USP34: variants seen among roughly 807,000 people sequenced by gnomAD.
USP34 encodes ubiquitin specific peptidase 34.
Under a neutral mutation model 460.3 loss-of-function variants are expected in USP34, and 70 were observed. That is an observed-to-expected ratio of 0.15 (90% CI 0.13 to 0.19). The LOEUF (loss-of-function observed/expected upper bound fraction) is 0.19. USP34 is among the 10% of genes least tolerant of loss of function. The pLI, the probability that USP34 is intolerant of heterozygous loss-of-function variation, is 1.00. For missense variants in USP34, 3,985 were observed against 4,236.2 expected, an observed-to-expected ratio of 0.94 and a Z score of 1.65; for synonymous variants, 1,647 against 1,405.3, an observed-to-expected ratio of 1.17 and a Z score of -3.85.
At chr2:61,424,996 T>A (rs1474813813) in intron 1 of USP34, among the ~76,000 whole-genome samples, 2 of 152,080 alleles carry the variant, frequency 1.3e-5, no homozygotes, top group Non-Finnish European at 2.9e-5. Flanking sequence ...ATTTTTGTAT[T>A]TTTAGTAGAG....
intron 2 of USP34, among the ~76,000 whole-genome samples, chr2:61,410,239 A>G (rs113545107): frequency 6.6e-6 from 1 of 152,222 alleles, no homozygotes; most frequent in African/African-American, 2.4e-5. Context: ...CTACAACTAG[A>G]CGGTACCATC....
chr2:61,445,331 C>A (rs1447663679), intron 1 of USP34, among the ~76,000 whole-genome samples: 2 of 148,388 alleles, frequency 1.3e-5, no homozygotes, highest in Non-Finnish European at 3.0e-5. Flanking sequence ...GTCAGGAGAT[C>A]AAGACCATCC....
At chr2:61,463,596 G>A (rs539392185) in intron 1 of USP34, among the ~76,000 whole-genome samples, 4 of 152,252 alleles carry the variant, frequency 2.6e-5, no homozygotes, top group African/African-American at 9.6e-5. Flanking sequence ...CACTTTGGGA[G>A]GCCAAGGGAG....
chr2:61,275,964 T>C (rs2103945099), intron 41 of USP34, among the ~76,000 whole-genome samples: 1 of 152,226 alleles, frequency 6.6e-6, no homozygotes, highest in East Asian at 1.9e-4. Flanking sequence ...AAAAAATACA[T>C]GCAGCAAATA....
intron 1 of USP34, among the ~76,000 whole-genome samples, chr2:61,454,434 T>C (rs1695373102): frequency 6.6e-6 from 1 of 151,452 alleles, no homozygotes; most frequent in Non-Finnish European, 1.5e-5. Context: ...AGTTTTTTGT[T>C]TGTTGTTTTG....
intron 1 of USP34, among the ~76,000 whole-genome samples, chr2:61,428,757 G>C (rs1389824831): frequency 6.6e-6 from 1 of 152,188 alleles, no homozygotes; most frequent in Non-Finnish European, 1.5e-5. Context: ...AATTACAACA[G>C]ACTTAGGAAA....
At chr2:61,415,128 T>C (rs1205968811) in intron 2 of USP34, among the ~76,000 whole-genome samples, 3 of 152,128 alleles carry the variant, frequency 2.0e-5, no homozygotes, top group African/African-American at 7.2e-5. Flanking sequence ...CAGCGTGAAT[T>C]GGCCTTAGGT....
At chr2:61,300,789 C>A (rs565688227) in intron 29 of USP34, among the ~76,000 whole-genome samples, 162 bp downstream of exon 29, 2 of 147,354 alleles carry the variant, frequency 1.4e-5, no homozygotes, top group African/African-American at 5.0e-5. Flanking sequence ...GAGTGAGATG[C>A]CGTCTCAAAA....
chr2:61,328,197 G>C (rs1691154651), intron 20 of USP34, among the ~76,000 whole-genome samples: 1 of 151,668 alleles, frequency 6.6e-6, no homozygotes, highest in Admixed American at 6.6e-5. Flanking sequence ...AGCTACTCGG[G>C]AGGCTGAGGC....
chr2:61,293,696 C>G, intron 32 of USP34, 146 bp from the exon 33 acceptor site: 1 of 594,592 alleles, frequency 1.7e-6, no homozygotes, highest in South Asian at 2.2e-5. Flanking sequence ...AATTTCTAGA[C>G]AAAATAATAA....
rs146221214 is a variant in USP34 at position 61,342,191 on chromosome 2, T to C, written c.2500+1624A>G. On this transcript the variant is annotated intron_variant, in intron 16 of 79. Coordinates refer to ENST00000398571, the MANE Select transcript of USP34 (RefSeq NM_014709.4). The stretch of plus-strand genomic sequence containing the variant: ...TGTCAATCCTTGATAGTATCAGTCC[T>C]TAATTTTACTCATTTCAATAGGTAT... Among the ~76,000 whole-genome samples, 74 of 152,256 alleles carry C rather than the reference T, an allele frequency of 4.9e-4. No individual in the cohort carries two copies. The Middle Eastern group carries it at 0.02, about 42-fold the overall frequency.
At chr2:61,269,366 AGGTT>A (rs1400975842) in intron 41 of USP34, among the ~76,000 whole-genome samples, 1 of 147,588 alleles carries the variant, frequency 6.8e-6, no homozygotes, top group Non-Finnish European at 1.5e-5. Context: ...GGGTTTCACC[AGGTT>A]ACCCAGGCTG....
At position 61,440,089 on chromosome 2, in the gene USP34, G is replaced by A. The variant is rs1317881602; in HGVS notation, c.44-19256C>T. ...CTCCCCGGTTCTGAGGGCTCACTGA[G>A]GCACCTGCCTGAGTGCTACACAGAA... is the stretch of plus-strand genomic sequence containing the variant. On this transcript the variant is annotated intron_variant, in intron 1 of 79. Transcript: ENST00000398571. Among the ~76,000 whole-genome samples, 4 of 152,116 alleles carry A rather than the reference G, an allele frequency of 2.6e-5. No homozygotes were observed. The East Asian group carries it at 7.7e-4, about 29-fold the overall frequency.
intron 1 of USP34, 71 bp from the exon 2 acceptor site, chr2:61,420,904 A>C (rs1400173463): frequency 3.6e-6 from 4 of 1,100,216 alleles, no homozygotes; most frequent in Non-Finnish European, 5.2e-6. Flanking sequence ...GTTCAAAATA[A>C]AGCCAAGAGC....
chr2:61,270,875 GAACC>G (rs1429855800), intron 41 of USP34, among the ~76,000 whole-genome samples: 2 of 152,166 alleles, frequency 1.3e-5, no homozygotes, highest in South Asian at 2.1e-4. Flanking sequence ...AGGCTAAACT[GAACC>G]AACCAATTTT....
chr2:61,203,074 C>A, intron 75 of USP34, 66 bp downstream of exon 75: 2 of 1,363,358 alleles, frequency 1.5e-6, no homozygotes, highest in South Asian at 2.1e-5. Flanking sequence ...AATTTTTCTC[C>A]CCTTCCTGAA....
chr2:61,279,519 A>C (rs1163890154), intron 39 of USP34, among the ~76,000 whole-genome samples: 1 of 152,242 alleles, frequency 6.6e-6, no homozygotes, highest in Non-Finnish European at 1.5e-5. Flanking sequence ...GCTAGAGTGC[A>C]GGGGCGTGAT....
At position 61,414,816 on chromosome 2, in the gene USP34, T is replaced by C. The variant is rs1186438005; in HGVS notation, c.131+5930A>G. ...TTGGTTACTTGGTATACACCCTACCTAAATGAAGTAGTGGCCCATGATCAG... is the reference window on the plus strand; with the variant it reads ...TTGGTTACTTGGTATACACCCTACCCAAATGAAGTAGTGGCCCATGATCAG... On this transcript the variant is annotated intron_variant, in intron 2 of 79. Transcript: ENST00000398571. Among the ~76,000 whole-genome samples, 3 of 152,170 alleles carry C rather than the reference T, an allele frequency of 2.0e-5. No individual in the cohort carries two copies. The East Asian group carries it at 5.8e-4, about 29-fold the overall frequency.
intron 25 of USP34, among the ~76,000 whole-genome samples, 199 bp from the exon 26 acceptor site, chr2:61,312,109 C>G (rs1195288018): frequency 1.3e-5 from 2 of 151,384 alleles, no homozygotes; most frequent in African/African-American, 4.9e-5. Flanking sequence ...GCTAAGAGCT[C>G]CTAACAAAAT....
Sources: allele counts gnomAD v4.1 joint callset (sites outside exome capture counted in the v4.1 genomes callset), GRCh38; gene constraint gnomAD v4.1.1; transcripts MANE v1.5; gene names NCBI Gene and HGNC (gene_info 2026-07-23, HGNC 2026-07-21).